Variants in SOX6 observed in about 807,000 individuals in gnomAD.
SOX6 encodes the protein SRY-box transcription factor 6.
A neutral mutation model predicts 97.8 loss-of-function variants in SOX6; 11 were observed. That is an observed-to-expected ratio of 0.11 (90% CI 0.07 to 0.19). SOX6 has a LOEUF of 0.19. SOX6 is among the 10% of genes least tolerant of loss of function. The pLI, the probability that SOX6 is intolerant of heterozygous loss-of-function variation, is 1.00. For synonymous variants in SOX6, 360 were observed against 371.4 expected (o/e 0.97, Z 0.35); for missense variants, 810 against 1,039.5 (o/e 0.78, Z 3.04).
chr11:16,381,209 C>A (rs1347441370), intron 1 of SOX6, among the ~76,000 whole-genome samples: 1 of 151,844 alleles, frequency 6.6e-6, no homozygotes, highest in Non-Finnish European at 1.5e-5. Flanking sequence ...GAGAAAAGAG[C>A]TGACATCCTT....
intron 2 of SOX6, among the ~76,000 whole-genome samples, chr11:16,718,978 T>TA (rs558276025): frequency 0.03 from 2,571 of 86,824 alleles, 36 homozygotes; most frequent in African/African-American, 0.064. Context: ...TTTTTAAAAT[T>TA]AAAAAAAAAA....
Position 16,255,823 on chromosome 11 carries a change from C to A in SOX6, c.446-21152G>T, listed in dbSNP as rs576541418. Among the ~76,000 whole-genome samples, 3 of 149,634 alleles carry A rather than the reference C, an allele frequency of 2.0e-5. No homozygotes were observed. In the South Asian group the frequency reaches 6.4e-4, roughly 32 times the overall value. On this transcript the variant is annotated intron_variant, in intron 3 of 15. Transcript: ENST00000683767. Reference sequence around the variant, plus strand: ...TGGAAAGACCAATAAAATAGATGAACTTCTAGCCAGACTAAAGGAAAAAAA... The same window carrying A: ...TGGAAAGACCAATAAAATAGATGAAATTCTAGCCAGACTAAAGGAAAAAAA...
chr11:16,164,689 G>A (rs1470023551), intron 6 of SOX6, among the ~76,000 whole-genome samples: 1 of 152,024 alleles, frequency 6.6e-6, no homozygotes, highest in Non-Finnish European at 1.5e-5. Flanking sequence ...CAGGGGTAGT[G>A]GTGTGCACCT....
intron 1 of SOX6, among the ~76,000 whole-genome samples, chr11:16,422,563 C>G (rs949255782): frequency 6.6e-6 from 1 of 152,136 alleles, no homozygotes; most frequent in Admixed American, 6.5e-5. Context: ...GGAATAAAAA[C>G]ATTTTTTAAG....
At chr11:16,025,381 C>T (rs565408070) in intron 12 of SOX6, among the ~76,000 whole-genome samples, 5 of 152,282 alleles carry the variant, frequency 3.3e-5, no homozygotes, top group African/African-American at 1.2e-4. Context: ...AAACTGAACA[C>T]ATGGTTTAAA....
At chr11:16,475,695 A>T (rs932670964) in intron 1 of SOX6, among the ~76,000 whole-genome samples, 4 of 152,236 alleles carry the variant, frequency 2.6e-5, no homozygotes, top group Non-Finnish European at 5.9e-5. Flanking sequence ...TGTGAGAATT[A>T]TGAAAATGTA....
chr11:16,626,539 T>C (rs897265195), intron 3 of SOX6, among the ~76,000 whole-genome samples: 22 of 152,322 alleles, frequency 1.4e-4, no homozygotes, highest in Non-Finnish European at 2.4e-4. Flanking sequence ...TTCAATTACA[T>C]ATAAATTTTA....
At chr11:16,071,631 G>A (rs567800003) in intron 9 of SOX6, among the ~76,000 whole-genome samples, 1 of 152,298 alleles carries the variant, frequency 6.6e-6, no homozygotes, top group South Asian at 2.1e-4. Flanking sequence ...CCAGCCCAGT[G>A]GTCTTGCTGA....
chr11:16,318,352 C>T, intron 3 of SOX6, 94 bp downstream of exon 3: 1 of 1,372,820 alleles, frequency 7.3e-7, no homozygotes, highest in East Asian at 2.3e-5. Flanking sequence ...TTATGCACTT[C>T]TCTGACCCTT....
At chr11:16,583,603 G>GTATATATATACATATATATATATA (rs1848052175) in intron 4 of SOX6, among the ~76,000 whole-genome samples, 3 of 22,672 alleles carry the variant, frequency 1.3e-4, no homozygotes, top group South Asian at 2.4e-3. Flanking sequence ...GTATATATGT[G>GTATATATATACATATATATATATA]TATATATATA....
intron 4 of SOX6, among the ~76,000 whole-genome samples, chr11:16,508,323 A>C (rs919633829): frequency 6.6e-6 from 1 of 152,176 alleles, no homozygotes; most frequent in Non-Finnish European, 1.5e-5. Flanking sequence ...AAACAGAACT[A>C]CCATAGCATC....
At chr11:16,473,738 G>A (rs1860185604) in intron 1 of SOX6, among the ~76,000 whole-genome samples, 1 of 152,100 alleles carries the variant, frequency 6.6e-6, no homozygotes, top group African/African-American at 2.4e-5. Flanking sequence ...TTTTAGTAGA[G>A]ATGGAGTTTC....
intron 6 of SOX6, among the ~76,000 whole-genome samples, chr11:16,178,302 T>C (rs562921371): frequency 2.0e-5 from 3 of 151,998 alleles, no homozygotes; most frequent in Non-Finnish European, 4.4e-5. Flanking sequence ...ACCTATTCTT[T>C]ATAACCCAGA....
intron 3 of SOX6, among the ~76,000 whole-genome samples, chr11:16,712,236 T>C (rs1476748384): frequency 6.6e-6 from 1 of 152,174 alleles, no homozygotes; most frequent in Non-Finnish European, 1.5e-5. Flanking sequence ...TTTCATATAA[T>C]GGCTTCTTTC....
chr11:16,422,869 A>C (rs1353351749), intron 1 of SOX6, among the ~76,000 whole-genome samples: 4 of 151,956 alleles, frequency 2.6e-5, no homozygotes, highest in African/African-American at 9.7e-5. Flanking sequence ...TGCTGCTACG[A>C]CTCTAGTCCA....
At chr11:16,242,910 T>A (rs1853236118) in intron 3 of SOX6, among the ~76,000 whole-genome samples, 1 of 151,934 alleles carries the variant, frequency 6.6e-6, no homozygotes, top group Non-Finnish European at 1.5e-5. Context: ...AAGTTCCTAT[T>A]ATTCTATTTA....
intron 3 of SOX6, among the ~76,000 whole-genome samples, chr11:16,624,899 A>C (rs1441571629): frequency 6.6e-6 from 1 of 152,156 alleles, no homozygotes; most frequent in Non-Finnish European, 1.5e-5. Flanking sequence ...TCATATATTT[A>C]TTAACTATTT....
At chr11:16,416,500 T>C (rs1858928804) in intron 1 of SOX6, among the ~76,000 whole-genome samples, 2 of 152,214 alleles carry the variant, frequency 1.3e-5, no homozygotes, top group South Asian at 4.1e-4. Flanking sequence ...AAACAAATAA[T>C]GGCTAATTTG....
At chr11:16,700,857 C>G (rs994372138) in intron 3 of SOX6, among the ~76,000 whole-genome samples, 2 of 152,156 alleles carry the variant, frequency 1.3e-5, no homozygotes, top group African/African-American at 4.8e-5. Flanking sequence ...CTGCTCACAC[C>G]TTTGAAGGTA....
Sources: gnomAD v4.1 joint callset for allele counts (sites outside exome capture counted in the v4.1 genomes callset) on GRCh38, gnomAD v4.1.1 for gene constraint, MANE v1.5 for transcripts, NCBI Gene and HGNC (gene_info 2026-07-23, HGNC 2026-07-21) for gene names.